ARRB1: variants seen among roughly 807,000 people sequenced by gnomAD.
The protein encoded by ARRB1 is beta-arrestin-1.
A neutral mutation model predicts 56.8 loss-of-function variants in ARRB1; 21 were observed. That is an observed-to-expected ratio of 0.37 (90% CI 0.26 to 0.53). ARRB1 has a LOEUF of 0.53. Among genes scored for constraint, ARRB1 ranks in the 20% least tolerant of loss-of-function variants. ARRB1 has a pLI of 0.88. For synonymous variants in ARRB1, 210 were observed against 218.6 expected (o/e 0.96, Z 0.35); for missense variants, 424 against 553.7 (o/e 0.77, Z 2.35).
rs1945848337 is a variant in ARRB1 at position 75,263,683 on chromosome 11, T to C, written c.*2480A>G. Among the ~76,000 whole-genome samples, 1 of 149,724 alleles carries C rather than the reference T, an allele frequency of 6.7e-6. No homozygotes were observed. Among genetic ancestry groups the C allele is most frequent in the South Asian group, 2.1e-4 (1 of 4,746 alleles). On this transcript the variant is annotated 3_prime_UTR_variant, in exon 16 of 16. Coordinates refer to ENST00000420843, the MANE Select transcript of ARRB1 (RefSeq NM_004041.5). ...ATAGAGCTGAGTCATCAGCAAAGGA[T>C]GGTAGGCTGAATTCAACTAAATTTG...
At chr11:75,345,181 A>C (rs1947746411) in intron 1 of ARRB1, among the ~76,000 whole-genome samples, 1 of 152,180 alleles carries the variant, frequency 6.6e-6, no homozygotes, top group African/African-American at 2.4e-5. Flanking sequence ...TCCAACTCCC[A>C]GGGGCTTCAT....
At chr11:75,273,506 T>G (rs1946118104) in intron 11 of ARRB1, among the ~76,000 whole-genome samples, 1 of 152,128 alleles carries the variant, frequency 6.6e-6, no homozygotes. Flanking sequence ...TGAAGAGAGC[T>G]GAGTCTGTGC....
In ARRB1 at chr11:75,290,103, G is replaced by C. The variant is rs772235249; in HGVS notation, c.21-64C>G. ...TCCTGCCCAGGGGCAAGCTCCTGCG[G>C]GCCACCTTGAGGCAGGACTGGGGAC... On this transcript the variant is annotated intron_variant, in intron 1 of 15. Transcript: ENST00000420843. 11 of 1,606,554 alleles carry C rather than the reference G, an allele frequency of 6.8e-6. No homozygotes were observed. The East Asian group carries it at 2.5e-4, about 36-fold the overall frequency.
chr11:75,340,396 T>C (rs1454117528), intron 1 of ARRB1, among the ~76,000 whole-genome samples: 1 of 152,232 alleles, frequency 6.6e-6, no homozygotes, highest in Admixed American at 6.5e-5. Context: ...CCCCACGACC[T>C]TCTGGGTGCA....
At position 75,278,721 on chromosome 11, in the gene ARRB1, C is replaced by T. The variant is rs1946255735; in HGVS notation, c.506G>A (p.Arg169Gln). Residue 169 changes from arginine (R) to glutamine (Q), a missense_variant, in exon 8 of 16, where the codon CGG (arginine) becomes CAG (glutamine). Physicochemically the swap from Arg to Gln is conservative, Grantham distance 43 (BLOSUM62 1). This residue lies in a region of ARRB1 where 301 missense variants were observed against 387.9 expected (regional missense o/e 0.78). Transcript: ENST00000420843. The stretch of plus-strand genomic sequence containing the variant: ...CCTCTCTGGGGCATACTGAACCTTC[C>T]GGATGACCAGACGCACAGAATTCCT... ...HKRNSVRLVI[R>Q]KVQYAPERPG... 1.2e-6 allele frequency: 2 copies of T among 1,611,888 alleles called. No individual in the cohort carries two copies. Among genetic ancestry groups the T allele is most frequent in the African/African-American group, 1.3e-5 (1 of 74,824 alleles).
At chr11:75,268,763 C>T in intron 14 of ARRB1, 126 bp downstream of exon 14, 1 of 1,034,090 alleles carries the variant, frequency 9.7e-7, no homozygotes, top group Admixed American at 2.7e-5. Flanking sequence ...CTGGACCCCA[C>T]AAAAGATCTG....
rs768299441 is a variant in ARRB1, at chr11:75,278,749, T to G, written c.483-5A>C. The G allele has an allele frequency of 3.1e-6, 5 of 1,605,376 alleles. No individual in the cohort carries two copies. In the East Asian group the frequency reaches 1.1e-4, roughly 36 times the overall value. On this transcript the variant is annotated splice_polypyrimidine_tract_variant and splice_region_variant and intron_variant, in intron 7 of 15. Coordinates refer to ENST00000420843, the MANE Select transcript of ARRB1 (RefSeq NM_004041.5). ...ATGACCAGACGCACAGAATTCCTAATGGAGATGGGCGGAGTGAAAGAGGAC... is the reference window on the plus strand; with the variant it reads ...ATGACCAGACGCACAGAATTCCTAAGGGAGATGGGCGGAGTGAAAGAGGAC...
At chr11:75,270,931 CT>C (rs147341761) in intron 13 of ARRB1, 1 of 148,152 alleles carries the variant, frequency 6.7e-6, no homozygotes, top group African/African-American at 2.5e-5. Flanking sequence ...TTTTTTTTTC[CT>C]TTTGCTTTGG....
chr11:75,287,353 C>T lies in ARRB1; in HGVS notation c.74G>A (p.Arg25Gln). The T allele has an allele frequency of 2.6e-6, 4 of 1,561,134 alleles. No individual in the cohort carries two copies. The highest frequency in any genetic ancestry group is 3.5e-6 in the Non-Finnish European group (4 of 1,152,058). The change falls in exon 3 of 16, where the codon CGG (arginine) becomes CAG (glutamine). Residue 25 changes from arginine to glutamine, a missense_variant. Physicochemically the swap from Arg to Gln is conservative, Grantham distance 43. Coordinates refer to ENST00000420843, the MANE Select transcript of ARRB1 (RefSeq NM_004041.5). ...GAGGTCGATGTGGTCCACAAAGTCC[C>T]GCTTTCCCAGGTAGACGGTGAGCTG... ...NGKLTVYLGK[R>Q]DFVDHIDLVD...
chr11:75,267,599 C>A, intron 15 of ARRB1, 53 bp downstream of exon 15: 3 of 1,410,214 alleles, frequency 2.1e-6, no homozygotes, highest in African/African-American at 1.4e-5. Context: ...ACCCCCTCCA[C>A]CCCGCCCACC....
At chr11:75,302,864 T>A (rs1946937337) in intron 1 of ARRB1, among the ~76,000 whole-genome samples, 1 of 151,932 alleles carries the variant, frequency 6.6e-6, no homozygotes, top group Non-Finnish European at 1.5e-5. Flanking sequence ...GTCCCTCAGG[T>A]GAGAAAGCCT....
chr11:75,269,112 G>A (rs927512658), intron 13 of ARRB1, 153 bp from the exon 14 acceptor site: 36 of 808,558 alleles, frequency 4.5e-5, no homozygotes, highest in Admixed American at 1.7e-4. Context: ...TCTGCCACTC[G>A]GAGCCTCGGT....
intron 15 of ARRB1, among the ~76,000 whole-genome samples, chr11:75,267,041 T>G (rs942785656): frequency 1.3e-5 from 2 of 152,074 alleles, no homozygotes; most frequent in Non-Finnish European, 2.9e-5. Context: ...GTTCAGCCAG[T>G]GCATGGGGCA....
intron 1 of ARRB1, among the ~76,000 whole-genome samples, chr11:75,324,535 T>A (rs1022830786): frequency 1.3e-5 from 2 of 152,110 alleles, no homozygotes; most frequent in Admixed American, 6.5e-5. Flanking sequence ...AAGGGCTGAA[T>A]AAATGAACAT....
At chr11:75,317,985 C>T (rs1344669502) in intron 1 of ARRB1, among the ~76,000 whole-genome samples, 1 of 151,862 alleles carries the variant, frequency 6.6e-6, no homozygotes, top group African/African-American at 2.4e-5. Flanking sequence ...CAAAGCCAGG[C>T]TCCACCCACC....
intron 1 of ARRB1, among the ~76,000 whole-genome samples, chr11:75,301,561 G>A (rs965691707): frequency 6.6e-6 from 1 of 152,188 alleles, no homozygotes; most frequent in Non-Finnish European, 1.5e-5. Context: ...AATCCCATAC[G>A]TTCCCCCATC....
rs146574519 is a variant in ARRB1, at chr11:75,273,850, A to T, written c.914+224T>A. 3.9e-3 allele frequency among the ~76,000 whole-genome samples: 588 copies of T among 152,272 alleles called. 5 individuals carry two copies. The highest frequency in any genetic ancestry group is 0.014 in the African/African-American group (569 of 41,566). ...TGGTAGCAGAGCCCAGCACTGCCTG[A>T]GTGAGCTGGCCTAGTGGTCCATCTT... On this transcript the variant is annotated intron_variant, in intron 11 of 15. Coordinates refer to ENST00000420843, the MANE Select transcript of ARRB1 (RefSeq NM_004041.5).
chr11:75,295,248 A>AC (rs1264519907), intron 1 of ARRB1, among the ~76,000 whole-genome samples: 2 of 141,588 alleles, frequency 1.4e-5, no homozygotes, highest in African/African-American at 2.7e-5. Context: ...AAAAAAAAAC[A>AC]CACACACCCA....
rs1437616250 is a variant in ARRB1 at position 75,265,361 on chromosome 11, G to C, written c.*802C>G. On this transcript the variant is annotated 3_prime_UTR_variant, in exon 16 of 16. Transcript: ENST00000420843. ...CTGCTGGGGGCTGGTGCTTGCTGAA[G>C]ACCCCCTCCCTCCCTCCCTCTGCTT... The C allele has an allele frequency of 6.6e-6, 1 of 152,300 alleles. No homozygotes were observed. Among genetic ancestry groups the C allele is most frequent in the East Asian group, 1.9e-4 (1 of 5,198 alleles). The allele number at this position is 152,300 out of a possible 1,614,324, so 9.4% of individuals were successfully genotyped here. A position where few individuals can be genotyped will look rare whatever the true frequency, so the allele number is the denominator to read the frequency against.
Sources: allele counts gnomAD v4.1 joint callset (sites outside exome capture counted in the v4.1 genomes callset), GRCh38; gene constraint gnomAD v4.1.1; regional missense constraint gnomAD v4.1.1; transcripts MANE v1.5; gene names NCBI Gene and HGNC (gene_info 2026-07-23, HGNC 2026-07-21).